The following CDH13 variants were observed in gnomAD, a reference collection of about 807,000 sequenced individuals.
The protein encoded by CDH13 is cadherin-13.
A neutral mutation model predicts 63.8 loss-of-function variants in CDH13; 24 were observed. That is an observed-to-expected ratio of 0.38 (90% CI 0.27 to 0.53). CDH13 has a LOEUF of 0.53. Among genes scored for constraint, CDH13 ranks in the 20% least tolerant of loss-of-function variants. CDH13 has a pLI of 0.85. For missense variants in CDH13, 1,049 were observed against 903.1 expected (o/e 1.16, Z -2.07); for synonymous variants, 503 against 355.3 (o/e 1.42, Z -4.67).
chr16:83,783,363 C>G lies in CDH13; in HGVS notation c.2025C>G (p.Leu675=), dbSNP rs376617301. Residue 675 remains leucine, a synonymous_variant, in exon 13 of 14, where the codon CTC becomes CTG. Coordinates refer to ENST00000567109, the MANE Select transcript of CDH13 (RefSeq NM_001257.5). ...GKPPMTNITD[L]RVQVCSCRNS... is the part of the protein sequence containing the mutation. Reference sequence around the variant, plus strand: ...CACCCATGACGAATATCACAGATCTCAGGGTACAAGTGTGCTCCTGCAGGA... The same window carrying G: ...CACCCATGACGAATATCACAGATCTGAGGGTACAAGTGTGCTCCTGCAGGA... 2.5e-6 allele frequency: 4 copies of G among 1,613,856 alleles called. No individual in the cohort carries two copies. The African/African-American group carries it at 5.3e-5, about 22-fold the overall frequency.
intron 4 of CDH13, among the ~76,000 whole-genome samples, chr16:83,198,079 A>C (rs143680646): frequency 6.6e-6 from 1 of 152,334 alleles, no homozygotes; most frequent in Non-Finnish European, 1.5e-5. Flanking sequence ...TAGTATAGTT[A>C]ACTATCCAGT....
chr16:82,901,147 A>T (rs1004052414), intron 2 of CDH13, among the ~76,000 whole-genome samples: 1 of 152,082 alleles, frequency 6.6e-6, no homozygotes, highest in Non-Finnish European at 1.5e-5. Flanking sequence ...TTAGGGAATA[A>T]AAATGTCCGT....
At chr16:83,419,927 TAA>T (rs60157875) in intron 6 of CDH13, among the ~76,000 whole-genome samples, 25 of 148,034 alleles carry the variant, frequency 1.7e-4, no homozygotes, top group African/African-American at 2.7e-4. Flanking sequence ...TTTTTTTTTT[TAA>T]AAAAAAGTTT....
chr16:83,202,753 G>A (rs539127630), intron 4 of CDH13, among the ~76,000 whole-genome samples: 1 of 152,218 alleles, frequency 6.6e-6, no homozygotes, highest in African/African-American at 2.4e-5. Flanking sequence ...AATGGGAATA[G>A]TGCCAGGTTC....
chr16:83,120,034 G>C (rs1597371580), intron 3 of CDH13, among the ~76,000 whole-genome samples: 1 of 94,786 alleles, frequency 1.1e-5, no homozygotes, highest in South Asian at 3.5e-4. Context: ...AGGATGTCCT[G>C]ACTTCAGTCG....
intron 1 of CDH13, among the ~76,000 whole-genome samples, chr16:82,683,386 C>G (rs1914750336): frequency 3.3e-5 from 5 of 152,210 alleles, no homozygotes; most frequent in South Asian, 4.1e-4. Flanking sequence ...GCTGAGCTCA[C>G]TCTTGGTGCT....
At chr16:82,638,682 C>T (rs1321567602) in intron 1 of CDH13, among the ~76,000 whole-genome samples, 1 of 152,086 alleles carries the variant, frequency 6.6e-6, no homozygotes, top group East Asian at 1.9e-4. Context: ...GGAGGATTTG[C>T]CAATTCCCAT....
intron 6 of CDH13, among the ~76,000 whole-genome samples, chr16:83,424,757 T>G (rs1427614230): frequency 6.6e-6 from 1 of 152,224 alleles, no homozygotes; most frequent in Non-Finnish European, 1.5e-5. Flanking sequence ...CTGTAGTTAT[T>G]TCACACACAT....
intron 1 of CDH13, among the ~76,000 whole-genome samples, chr16:82,720,857 G>A (rs941594599): frequency 2.6e-5 from 4 of 152,266 alleles, no homozygotes; most frequent in Non-Finnish European, 4.4e-5. Context: ...TGGCTCATTC[G>A]CCAATGAGTC....
intron 5 of CDH13, among the ~76,000 whole-genome samples, chr16:83,225,366 C>G (rs2039809139): frequency 6.6e-6 from 1 of 152,202 alleles, no homozygotes; most frequent in Non-Finnish European, 1.5e-5. Context: ...CCAATTCCAA[C>G]TCTTCCAAAC....
chr16:83,196,606 C>A (rs750369786), intron 4 of CDH13, among the ~76,000 whole-genome samples: 2 of 152,014 alleles, frequency 1.3e-5, no homozygotes, highest in Non-Finnish European at 2.9e-5. Flanking sequence ...CCCCAATCAA[C>A]CAAATTAGGA....
intron 7 of CDH13, among the ~76,000 whole-genome samples, chr16:83,572,974 C>T (rs1904781482): frequency 6.6e-6 from 1 of 152,174 alleles, no homozygotes; most frequent in African/African-American, 2.4e-5. Context: ...TTACAGCGAG[C>T]ACAGGCTGAG....
rs571565652 is a variant in CDH13, at chr16:83,215,073, C to CTTTTTTTTTTTTT, written c.484-2263_484-2251dup. On this transcript the variant is annotated intron_variant, in intron 4 of 13. Transcript: ENST00000567109. ...TTTCATCAGAGAGTATCAAACACCT[C>CTTTTTTTTTTTTT]TTTTTTTTTTTTTTTTTTTTTGAGA... Among the ~76,000 whole-genome samples the CTTTTTTTTTTTTT allele has an allele frequency of 2.4e-3, 134 of 56,238 alleles. 34 individuals carry two copies. Among genetic ancestry groups the CTTTTTTTTTTTTT allele is most frequent in the East Asian group, 3.9e-3 (6 of 1,540 alleles). The allele number at this position is 56,238 out of a possible 152,430, so 36.9% of individuals were successfully genotyped here. A position where few individuals can be genotyped will look rare whatever the true frequency, so the allele number is the denominator to read the frequency against.
chr16:83,096,840 C>G (rs944392259), intron 3 of CDH13, among the ~76,000 whole-genome samples: 4 of 152,070 alleles, frequency 2.6e-5, no homozygotes, highest in African/African-American at 7.2e-5. Flanking sequence ...TTTTTTATAC[C>G]TGGAGTTTAA....
At position 83,783,350 on chromosome 16, in the gene CDH13, A is replaced by G. The variant is rs1330128600; in HGVS notation, c.2012A>G (p.Asn671Ser). The part of the protein sequence containing the change: ...VTDSGKPPMT[N>S]ITDLRVQVCS... ...GATTCAGGGAAACCACCCATGACGA[A>G]TATCACAGATCTCAGGGTACAAGTG... Residue 671 changes from asparagine (N) to serine (S), a missense_variant, in exon 13 of 14, where the codon AAT becomes AGT. Physicochemically the swap from Asn to Ser is conservative, Grantham distance 46. Transcript: ENST00000567109. 6.2e-7 allele frequency: 1 copy of G among 1,613,958 alleles called. No individual in the cohort carries two copies. The highest frequency in any genetic ancestry group is 2.2e-5 in the East Asian group (1 of 44,880).
intron 5 of CDH13, among the ~76,000 whole-genome samples, chr16:83,323,583 A>G (rs1390188518): frequency 6.6e-6 from 1 of 152,052 alleles, no homozygotes; most frequent in Non-Finnish European, 1.5e-5. Context: ...GCCTGGCCAA[A>G]GACCTCTCTA....
At chr16:83,386,935 G>A (rs1013845880) in intron 6 of CDH13, among the ~76,000 whole-genome samples, 2 of 152,126 alleles carry the variant, frequency 1.3e-5, no homozygotes, top group African/African-American at 2.4e-5. Context: ...CATCTAGAAA[G>A]CCAAAGTTTC....
At chr16:83,495,074 C>A (rs1451044539) in intron 7 of CDH13, among the ~76,000 whole-genome samples, 1 of 152,096 alleles carries the variant, frequency 6.6e-6, no homozygotes, top group African/African-American at 2.4e-5. Context: ...CAGAAAGAGT[C>A]AAACTCTATA....
intron 1 of CDH13, among the ~76,000 whole-genome samples, chr16:82,793,106 G>A (rs1282220729): frequency 6.6e-6 from 1 of 152,210 alleles, no homozygotes; most frequent in African/African-American, 2.4e-5. Context: ...AGGCATTTCA[G>A]GGGCGACTAA....
Sources: allele counts gnomAD v4.1 joint callset (sites outside exome capture counted in the v4.1 genomes callset), GRCh38; gene constraint gnomAD v4.1.1; transcripts MANE v1.5; gene names NCBI Gene and HGNC (gene_info 2026-07-23, HGNC 2026-07-21).